The following SEPTIN10 variants were observed in gnomAD, a reference collection of about 807,000 sequenced individuals.
The protein encoded by SEPTIN10 is septin-10.
SEPTIN10 carries 66 observed loss-of-function variants against 54.8 expected under a neutral mutation model. The ratio of observed to expected loss-of-function variants is 1.21; its 90% CI spans 0.99 to 1.48. The LOEUF (loss-of-function observed/expected upper bound fraction) is 1.48. SEPTIN10 is among the 40% of genes most tolerant of loss of function. SEPTIN10 has a pLI of 0.00. For missense variants in SEPTIN10, 620 were observed against 545.6 expected (o/e 1.14, Z -1.36); for synonymous variants, 161 against 181.0 (o/e 0.89, Z 0.89).
intron 5 of SEPTIN10, among the ~76,000 whole-genome samples, chr2:109,568,876 G>A (rs1687699837): frequency 6.6e-6 from 1 of 152,092 alleles, no homozygotes; most frequent in Admixed American, 6.6e-5. Context: ...TCTTAAAAGT[G>A]TTCATGATGC....
chr2:109,608,562 T>C (rs926781925), intron 1 of SEPTIN10, among the ~76,000 whole-genome samples: 8 of 152,244 alleles, frequency 5.3e-5, no homozygotes, highest in African/African-American at 1.7e-4. Flanking sequence ...GAGCCCATCC[T>C]ACCTGGCACA....
intron 9 of SEPTIN10, chr2:109,552,447 T>A (rs1683204183): frequency 6.6e-6 from 1 of 152,268 alleles, no homozygotes; most frequent in Non-Finnish European, 1.5e-5. Flanking sequence ...AGTAACCTAG[T>A]CCATTACAAG....
chr2:109,602,297 G>A (rs1482903121), intron 1 of SEPTIN10, among the ~76,000 whole-genome samples: 1 of 147,012 alleles, frequency 6.8e-6, no homozygotes, highest in Non-Finnish European at 1.5e-5. Flanking sequence ...GGGAGATTAA[G>A]GACAATAAAA....
rs1683369897 is a variant in SEPTIN10 at position 109,553,002 on chromosome 2, C to T, written c.1161+85G>A. 12 of 1,509,018 alleles carry T rather than the reference C, an allele frequency of 8.0e-6. No homozygotes were observed. In the South Asian group the frequency reaches 1.5e-4, roughly 19 times the overall value. The allele number at this position is 1,509,018 out of a possible 1,614,324, so 93.5% of individuals were successfully genotyped here. On this transcript the variant is annotated intron_variant, in intron 9 of 10. Transcript: ENST00000397712. ...AAGAACAAGTAGCCTACAAAAGAGT[C>T]TCAAGCAAATTCTTGGAATAAATCC...
chr2:109,572,185 C>T (rs866516518), intron 5 of SEPTIN10, among the ~76,000 whole-genome samples: 9 of 152,060 alleles, frequency 5.9e-5, no homozygotes, highest in Non-Finnish European at 2.9e-5. Flanking sequence ...GGCTGGAGTG[C>T]AGTGGTGTGA....
rs150847669 is a variant in SEPTIN10, at chr2:109,546,693, G to C, written c.1162-456C>G. The stretch of plus-strand genomic sequence containing the variant: ...AAAACTGTACTAGTAAACATCACTG[G>C]AAAGCAAGTGTCAATTGTCAACTAT... On this transcript the variant is annotated intron_variant, in intron 9 of 10. Transcript: ENST00000397712. Among the ~76,000 whole-genome samples the C allele has an allele frequency of 2.7e-3, 408 of 152,064 alleles. 2 individuals carry two copies. Among genetic ancestry groups the C allele is most frequent in the African/African-American group, 9.5e-3 (395 of 41,468 alleles).
At chr2:109,599,483 C>T (rs1192050236) in intron 1 of SEPTIN10, among the ~76,000 whole-genome samples, 1 of 149,006 alleles carries the variant, frequency 6.7e-6, no homozygotes, top group African/African-American at 2.5e-5. Context: ...AAAAAGAACT[C>T]AAGTGAAATT....
chr2:109,555,811 C>T (rs1000691577), intron 8 of SEPTIN10, among the ~76,000 whole-genome samples: 4 of 152,144 alleles, frequency 2.6e-5, no homozygotes, highest in East Asian at 1.9e-4. Flanking sequence ...AGAAGCAGGA[C>T]GCTCTCTTCT....
chr2:109,610,543 T>C (rs1477415643), intron 1 of SEPTIN10, among the ~76,000 whole-genome samples: 1 of 152,122 alleles, frequency 6.6e-6, no homozygotes. Context: ...GGAGAAACCC[T>C]GTGTCTACTA....
At chr2:109,561,301 A>C (rs960362373) in intron 8 of SEPTIN10, among the ~76,000 whole-genome samples, 1 of 152,046 alleles carries the variant, frequency 6.6e-6, no homozygotes, top group African/African-American at 2.4e-5. Context: ...CCACTGCCTC[A>C]AGAAAGTCTT....
chr2:109,544,251 T>C lies in SEPTIN10; in HGVS notation c.*58A>G, dbSNP rs562796959. 1 of 1,604,326 alleles carries C rather than the reference T, an allele frequency of 6.2e-7. No homozygotes were observed. Among genetic ancestry groups the C allele is most frequent in the Non-Finnish European group, 8.5e-7 (1 of 1,173,664 alleles). The stretch of plus-strand genomic sequence containing the variant: ...CAGCAAAATCAAAGCACACTTCTAG[T>C]TTTTTTTTAATAAAGTTTGCTTGTG... On this transcript the variant is annotated 3_prime_UTR_variant, in exon 11 of 11. Transcript: ENST00000397712.
intron 1 of SEPTIN10, among the ~76,000 whole-genome samples, chr2:109,594,066 T>C (rs1046370503): frequency 3.9e-5 from 6 of 152,176 alleles, no homozygotes; most frequent in African/African-American, 1.4e-4. Flanking sequence ...ACAGGTCTGA[T>C]TTGACTGCCA....
intron 4 of SEPTIN10, among the ~76,000 whole-genome samples, chr2:109,580,402 A>C (rs1433633421): frequency 6.6e-6 from 1 of 151,794 alleles, no homozygotes; most frequent in Non-Finnish European, 1.5e-5. Context: ...CTTTAAAAAA[A>C]GAACTTTTAC....
chr2:109,586,995 C>T (rs56794190), intron 2 of SEPTIN10, among the ~76,000 whole-genome samples: 20,521 of 151,930 alleles, frequency 0.14, 1,880 homozygotes, highest in African/African-American at 0.26. Context: ...AAAATTATGA[C>T]AGGAAAAAAA....
intron 10 of SEPTIN10, 72 bp downstream of exon 10, chr2:109,545,978 G>A (rs1248489839): frequency 1.0e-5 from 15 of 1,504,378 alleles, no homozygotes; most frequent in South Asian, 1.4e-5. Flanking sequence ...AGTAAGAAGC[G>A]CTAGGAAGAT....
chr2:109,567,970 T>G lies in SEPTIN10; in HGVS notation c.607A>C (p.Ile203Leu). The G allele has an allele frequency of 6.3e-7, 1 of 1,591,746 alleles. No individual in the cohort carries two copies. Among genetic ancestry groups the G allele is most frequent in the Non-Finnish European group, 8.5e-7 (1 of 1,171,892 alleles). The change falls in exon 6 of 11, where the codon ATT becomes CTT. Residue 203 changes from isoleucine (I) to leucine (L), a missense_variant. Physicochemically the swap from Ile to Leu is conservative, Grantham distance 5. Transcript: ENST00000397712. ...TCTGCTTTGGCAATCACTGGTATAA[T>G]GTTTACCTATTAAGAATAAAGAAAA... The part of the protein sequence containing the change: ...TMKNLDSKVN[I>L]IPVIAKADTV...
At chr2:109,564,850 T>C (rs918429951) in intron 7 of SEPTIN10, among the ~76,000 whole-genome samples, 2 of 152,238 alleles carry the variant, frequency 1.3e-5, no homozygotes, top group African/African-American at 2.4e-5. Context: ...CACTAATATT[T>C]TGTTAGCAGT....
chr2:109,574,918 T>G (rs1689322700), intron 4 of SEPTIN10, 151 bp from the exon 5 acceptor site: 2 of 465,892 alleles, frequency 4.3e-6, no homozygotes, highest in East Asian at 7.0e-5. Context: ...TAAAAAAATG[T>G]GCAGAACATG....
intron 8 of SEPTIN10, among the ~76,000 whole-genome samples, chr2:109,560,031 C>T (rs796420897): frequency 1.3e-5 from 2 of 151,494 alleles, no homozygotes; most frequent in African/African-American, 4.9e-5. Flanking sequence ...CGCCATTCTC[C>T]TGCCTCAGCC....
Sources: gnomAD v4.1 joint callset for allele counts (sites outside exome capture counted in the v4.1 genomes callset) on GRCh38, gnomAD v4.1.1 for gene constraint, MANE v1.5 for transcripts, NCBI Gene and HGNC (gene_info 2026-07-23, HGNC 2026-07-21) for gene names.